Variants in GRIK2 observed in about 807,000 individuals in gnomAD.
The protein encoded by GRIK2 is glutamate ionotropic receptor kainate type subunit 2, also known as glutamate receptor ionotropic, kainate 2.
GRIK2 carries 32 observed loss-of-function variants against 100.3 expected under a neutral mutation model. That is an observed-to-expected ratio of 0.32 (90% CI 0.24 to 0.43). GRIK2 has a LOEUF of 0.43. GRIK2 is among the 20% of genes least tolerant of loss of function. The probability of loss-of-function intolerance (pLI) is 1.00; values close to 1 mark genes in which losing one functional copy is unlikely to be tolerated. For missense variants in GRIK2, 843 were observed against 1,114.9 expected (o/e 0.76, Z 3.47); for synonymous variants, 417 against 389.4 (o/e 1.07, Z -0.83).
chr6:101,715,111 T>A (rs1443517325), intron 7 of GRIK2, among the ~76,000 whole-genome samples: 1 of 151,850 alleles, frequency 6.6e-6, no homozygotes, highest in African/African-American at 2.4e-5. Context: ...ATAAGTAAAA[T>A]TTAGAAATGT....
At chr6:101,846,973 A>AT (rs796104175) in intron 10 of GRIK2, among the ~76,000 whole-genome samples, 44 of 141,248 alleles carry the variant, frequency 3.1e-4, no homozygotes, top group South Asian at 6.6e-4. Context: ...GCTTCTCTCT[A>AT]TTTTTTTTTT....
chr6:101,752,475 C>T (rs9404139), intron 7 of GRIK2, among the ~76,000 whole-genome samples: 45,977 of 152,036 alleles, frequency 0.3, 9,367 homozygotes, highest in East Asian at 0.72. Flanking sequence ...AGTCACAGTT[C>T]ATAGGCTTCT....
chr6:102,006,592 A>G (rs1446018438), intron 14 of GRIK2, among the ~76,000 whole-genome samples: 3 of 151,590 alleles, frequency 2.0e-5, no homozygotes, highest in African/African-American at 7.3e-5. Context: ...GGTTCCAAAC[A>G]ACTGGGCTCA....
At chr6:101,816,158 C>T (rs554648067) in intron 9 of GRIK2, among the ~76,000 whole-genome samples, 3 of 151,886 alleles carry the variant, frequency 2.0e-5, no homozygotes, top group African/African-American at 4.8e-5. Context: ...ATTAGATAGA[C>T]GACAGTGAAC....
intron 2 of GRIK2, among the ~76,000 whole-genome samples, chr6:101,539,308 T>G (rs903180644): frequency 6.6e-5 from 10 of 151,602 alleles, no homozygotes; most frequent in Non-Finnish European, 7.4e-5. Context: ...TGAAAAGACA[T>G]CCCCGATAGG....
intron 7 of GRIK2, among the ~76,000 whole-genome samples, chr6:101,771,779 G>A (rs1026807203): frequency 2.1e-5 from 3 of 145,556 alleles, no homozygotes; most frequent in South Asian, 2.1e-4. Context: ...GAGAACATGC[G>A]GTGTTTGGTT....
intron 12 of GRIK2, among the ~76,000 whole-genome samples, chr6:101,909,057 A>G (rs972405084): frequency 4.6e-5 from 7 of 151,262 alleles, no homozygotes; most frequent in Non-Finnish European, 1.0e-4. Context: ...AATTATTAGT[A>G]AAACCCAACT....
chr6:101,540,705 T>C (rs943084485), intron 2 of GRIK2, among the ~76,000 whole-genome samples: 5 of 152,004 alleles, frequency 3.3e-5, no homozygotes, highest in African/African-American at 7.2e-5. Context: ...TAAGATGTTT[T>C]CTAAAACTGT....
chr6:101,668,787 A>T (rs894227974), intron 4 of GRIK2, among the ~76,000 whole-genome samples: 2 of 152,140 alleles, frequency 1.3e-5, no homozygotes, highest in African/African-American at 4.8e-5. Context: ...CTTCCTGGGG[A>T]TAGGGTAGTC....
Position 101,626,610 on chromosome 6 carries a change from G to C in GRIK2, c.514G>C (p.Val172Leu), listed in dbSNP as rs201893729. Reference protein sequence around the residue: ...DLVQFFKWKTVTVVYDDSTGL... With the variant: ...DLVQFFKWKTLTVVYDDSTGL... ...GGTGCAGTTTTTCAAGTGGAAAACC[G>C]TCACGGTTGTGTATGATGACAGCAC... The change falls in exon 4 of 17, where the codon GTC (valine) becomes CTC (leucine). Residue 172 changes from valine (V) to leucine (L), a missense_variant. Around this residue, in one of 3 missense-constraint regions of GRIK2, gnomAD observed 519 missense variants for 643.8 expected, o/e 0.81. Coordinates refer to ENST00000369134, the MANE Select transcript of GRIK2 (RefSeq NM_021956.5). The C allele has an allele frequency of 6.2e-7, 1 of 1,613,690 alleles. No homozygotes were observed. The highest frequency in any genetic ancestry group is 8.5e-7 in the Non-Finnish European group (1 of 1,179,782).
intron 2 of GRIK2, among the ~76,000 whole-genome samples, chr6:101,609,868 T>C (rs1779596083): frequency 1.3e-5 from 2 of 151,812 alleles, no homozygotes; most frequent in African/African-American, 4.8e-5. Flanking sequence ...ACTTGAAATC[T>C]ATATGAGGAA....
rs765673508 is a variant in GRIK2 at position 101,847,909 on chromosome 6, C to G, written c.1318-11378C>G. Among the ~76,000 whole-genome samples the G allele has an allele frequency of 3.9e-5, 6 of 152,006 alleles. No individual in the cohort carries two copies. The South Asian group carries it at 6.2e-4, about 16-fold the overall frequency. Reference sequence around the variant, plus strand: ...TCTTGCCCCTACTTTTCCCTCTTACCCACCAGGTGGCAGGTAATATATTTG... The same window carrying G: ...TCTTGCCCCTACTTTTCCCTCTTACGCACCAGGTGGCAGGTAATATATTTG... On this transcript the variant is annotated intron_variant, in intron 10 of 16. Transcript: ENST00000369134.
chr6:101,649,268 A>G (rs951833994), intron 4 of GRIK2, among the ~76,000 whole-genome samples: 1 of 152,118 alleles, frequency 6.6e-6, no homozygotes, highest in African/African-American at 2.4e-5. Flanking sequence ...CTGTGATAGC[A>G]TATTTTATTT....
At chr6:102,018,548 C>T (rs926353589) in intron 14 of GRIK2, among the ~76,000 whole-genome samples, 1 of 152,062 alleles carries the variant, frequency 6.6e-6, no homozygotes, top group Non-Finnish European at 1.5e-5. Flanking sequence ...CCCAGCAATT[C>T]ATCAATTAAT....
intron 2 of GRIK2, among the ~76,000 whole-genome samples, chr6:101,547,758 T>G (rs1776316570): frequency 2.0e-5 from 3 of 151,924 alleles, no homozygotes; most frequent in Admixed American, 6.6e-5. Context: ...TTTGCTCTTG[T>G]GAATAGTGCC....
intron 4 of GRIK2, among the ~76,000 whole-genome samples, chr6:101,633,274 C>T (rs569653792): frequency 1.3e-5 from 2 of 151,998 alleles, no homozygotes; most frequent in Non-Finnish European, 2.9e-5. Context: ...TCACCTTTTT[C>T]CTGGAAACTC....
At chr6:101,466,792 A>G (rs2128254303) in intron 2 of GRIK2, among the ~76,000 whole-genome samples, 1 of 152,324 alleles carries the variant, frequency 6.6e-6, no homozygotes, top group East Asian at 1.9e-4. Context: ...CAAGAGTTTT[A>G]GCAGGAAACT....
intron 6 of GRIK2, among the ~76,000 whole-genome samples, chr6:101,685,472 A>T (rs933585448): frequency 1.3e-5 from 2 of 152,164 alleles, no homozygotes; most frequent in African/African-American, 4.8e-5. Flanking sequence ...CACATGCTGG[A>T]TGTTTTCATG....
At chr6:101,959,224 C>T (rs932581031) in intron 14 of GRIK2, among the ~76,000 whole-genome samples, 2 of 152,062 alleles carry the variant, frequency 1.3e-5, no homozygotes, top group Non-Finnish European at 2.9e-5. Flanking sequence ...TTTGGCTGTA[C>T]ATCCCTCTGG....
Sources: gnomAD v4.1 joint callset for allele counts (sites outside exome capture counted in the v4.1 genomes callset) on GRCh38, gnomAD v4.1.1 for gene constraint, gnomAD v4.1.1 regional missense constraint, MANE v1.5 for transcripts, NCBI Gene and HGNC (gene_info 2026-07-23, HGNC 2026-07-21) for gene names.